Variants in TNNI3K observed in about 807,000 individuals in gnomAD.
The protein encoded by TNNI3K is TNNI3 interacting kinase.
TNNI3K carries 140 observed loss-of-function variants against 114.5 expected under a neutral mutation model. The observed-to-expected ratio is 1.22, with a 90% confidence interval of 1.07 to 1.41. The LOEUF (loss-of-function observed/expected upper bound fraction) is 1.41. Ranked by LOEUF, TNNI3K falls within the 40% of genes most tolerant of loss-of-function variation. The pLI is 0.00. For missense variants in TNNI3K, 1,125 were observed against 1,007.6 expected (o/e 1.12, Z -1.58); for synonymous variants, 347 against 347.5 (o/e 1.00, Z 0.02).
At chr1:74,476,950 T>G (rs1668236775) in intron 21 of TNNI3K, among the ~76,000 whole-genome samples, 1 of 152,170 alleles carries the variant, frequency 6.6e-6, no homozygotes, top group South Asian at 2.1e-4. Context: ...CTCATACCAT[T>G]GTATAGTTTA....
At chr1:74,463,679 G>T in intron 21 of TNNI3K, 129 bp downstream of exon 21, 1 of 990,926 alleles carries the variant, frequency 1.0e-6, no homozygotes, top group South Asian at 1.6e-5. Context: ...TTTGCCTTCT[G>T]CTCTTTAGTC....
chr1:74,455,717 A>C (rs1240874230), intron 20 of TNNI3K, among the ~76,000 whole-genome samples: 1 of 152,206 alleles, frequency 6.6e-6, no homozygotes, highest in African/African-American at 2.4e-5. Context: ...ATCTGAGGTC[A>C]GGAGAAGGTG....
At chr1:74,346,351 T>C (rs1228677139) in intron 9 of TNNI3K, among the ~76,000 whole-genome samples, 1 of 152,154 alleles carries the variant, frequency 6.6e-6, no homozygotes, top group Non-Finnish European at 1.5e-5. Flanking sequence ...ACTAAAACTC[T>C]CAGAACCCTC....
intron 21 of TNNI3K, among the ~76,000 whole-genome samples, chr1:74,486,966 G>T (rs1668800552): frequency 6.6e-6 from 1 of 152,148 alleles, no homozygotes; most frequent in Non-Finnish European, 1.5e-5. Context: ...GACAAGGGCA[G>T]TTTCAGCAGT....
chr1:74,443,703 C>A (rs983922438), intron 20 of TNNI3K, among the ~76,000 whole-genome samples: 2 of 151,964 alleles, frequency 1.3e-5, no homozygotes, highest in South Asian at 4.2e-4. Context: ...AGAGATACAA[C>A]AAAAAAAGAA....
rs978798490 is a variant in TNNI3K, at chr1:74,436,405, T to G, written c.1826-69T>G. 38 of 1,497,648 alleles carry G rather than the reference T, an allele frequency of 2.5e-5. No homozygotes were observed. The African/African-American group carries it at 4.3e-4, about 17-fold the overall frequency. 92.8% of individuals were successfully genotyped at this position (1,497,648 alleles called of 1,614,324 possible). Reference sequence around the variant, plus strand: ...AGAAGTCTCTTGAGGTTTCAAAATTTTAACTGTGATCTTTTACCTTGGTTT... The same window carrying G: ...AGAAGTCTCTTGAGGTTTCAAAATTGTAACTGTGATCTTTTACCTTGGTTT... On this transcript the variant is annotated intron_variant, in intron 18 of 24. Transcript: ENST00000326637.
intron 21 of TNNI3K, among the ~76,000 whole-genome samples, chr1:74,482,823 T>G (rs1044271097): frequency 6.6e-6 from 1 of 152,216 alleles, no homozygotes; most frequent in Non-Finnish European, 1.5e-5. Context: ...GACCAGACTT[T>G]CAAAATGAGA....
chr1:74,393,749 G>A (rs557110917), intron 17 of TNNI3K, among the ~76,000 whole-genome samples: 1 of 152,122 alleles, frequency 6.6e-6, no homozygotes, highest in African/African-American at 2.4e-5. Context: ...CCTGAGGGGA[G>A]GCAAGGCCAG....
At position 74,336,319 on chromosome 1, in the gene TNNI3K, G is replaced by A. The variant is rs373493131; in HGVS notation, c.682+170G>A. ...TAATATATTTATCAGGCCTACATGC[G>A]AATCCTTCTTAACATGTTTTAGCTC... On this transcript the variant is annotated intron_variant, in intron 7 of 24. Transcript: ENST00000326637. Among the ~76,000 whole-genome samples, 149 of 152,072 alleles carry A rather than the reference G, an allele frequency of 9.8e-4. 4 individuals are homozygous for A. The South Asian group carries it at 0.019, about 20-fold the overall frequency.
intron 2 of TNNI3K, among the ~76,000 whole-genome samples, chr1:74,247,039 G>A (rs1363100972): frequency 2.0e-5 from 3 of 152,166 alleles, no homozygotes; most frequent in South Asian, 2.1e-4. Flanking sequence ...CAATATGCAT[G>A]ACTTTGTCCT....
At chr1:74,491,176 C>T (rs1557602962) in intron 22 of TNNI3K, among the ~76,000 whole-genome samples, 1 of 152,102 alleles carries the variant, frequency 6.6e-6, no homozygotes, top group Non-Finnish European at 1.5e-5. Context: ...GCTAATGATG[C>T]TTATCACAGA....
At chr1:74,487,068 G>A (rs150844882) in intron 21 of TNNI3K, among the ~76,000 whole-genome samples, 50 of 152,288 alleles carry the variant, frequency 3.3e-4, no homozygotes, top group African/African-American at 1.1e-3. Flanking sequence ...CAATTTTGCT[G>A]TAAAGTAAAC....
rs375644224 is a variant in TNNI3K at position 74,283,201 on chromosome 1, G to A, written c.444+11493G>A. ...GAACACTGCATATTCTGTGGCATTCGAAAATGGTTTCCTCGGGAGTTGAAA... is the reference window on the plus strand; with the variant it reads ...GAACACTGCATATTCTGTGGCATTCAAAAATGGTTTCCTCGGGAGTTGAAA... On this transcript the variant is annotated intron_variant, in intron 5 of 24. Transcript: ENST00000326637. 1.4e-4 allele frequency among the ~76,000 whole-genome samples: 22 copies of A among 152,068 alleles called. 1 individual carries two copies. In the East Asian group the frequency reaches 2.7e-3, roughly 19 times the overall value.
intron 11 of TNNI3K, among the ~76,000 whole-genome samples, chr1:74,359,611 CTAAT>C (rs895324961): frequency 3.3e-5 from 5 of 151,906 alleles, no homozygotes; most frequent in African/African-American, 9.7e-5. Flanking sequence ...TTGAAAATAA[CTAAT>C]CAAAATATTA....
chr1:74,450,540 C>T (rs975261959), intron 20 of TNNI3K, among the ~76,000 whole-genome samples: 7 of 151,974 alleles, frequency 4.6e-5, no homozygotes, highest in African/African-American at 1.7e-4. Context: ...CTACAATGGA[C>T]TTAAACAAAT....
chr1:74,480,983 G>A (rs1008182284), intron 21 of TNNI3K: 31 of 697,542 alleles, frequency 4.4e-5, no homozygotes, highest in African/African-American at 2.5e-4. Context: ...GGGGAAAAAA[G>A]CACAGACTAG....
chr1:74,387,629 A>G (rs1388756882), intron 17 of TNNI3K, among the ~76,000 whole-genome samples: 5 of 152,238 alleles, frequency 3.3e-5, no homozygotes, highest in African/African-American at 1.2e-4. Context: ...TCAAGATGGC[A>G]GTTTTAACAG....
chr1:74,279,892 A>T (rs1036582450), intron 5 of TNNI3K, among the ~76,000 whole-genome samples: 1 of 152,202 alleles, frequency 6.6e-6, no homozygotes, highest in Non-Finnish European at 1.5e-5. Context: ...CACAATAATT[A>T]TAACGTAATA....
chr1:74,477,153 TA>T (rs1668244994), intron 21 of TNNI3K, among the ~76,000 whole-genome samples: 1 of 152,174 alleles, frequency 6.6e-6, no homozygotes, highest in African/African-American at 2.4e-5. Flanking sequence ...ATTTTGGTTT[TA>T]AAATGTTAAA....
Sources: allele counts gnomAD v4.1 joint callset (sites outside exome capture counted in the v4.1 genomes callset), GRCh38; gene constraint gnomAD v4.1.1; transcripts MANE v1.5; gene names NCBI Gene and HGNC (gene_info 2026-07-23, HGNC 2026-07-21).